The following INTS4 variants were observed in gnomAD, a reference collection of about 807,000 sequenced individuals.
INTS4 encodes integrator complex subunit 4, also known as MSTP093.
In INTS4, 70 loss-of-function variants were observed where a neutral mutation model predicts 119.5. The observed-to-expected ratio is 0.59, with a 90% CI of 0.48 to 0.71. INTS4 has a LOEUF of 0.71. Among genes scored for constraint, INTS4 ranks in the 30% least tolerant of loss-of-function variants. INTS4 has a pLI of 0.00. For synonymous variants in INTS4, 316 were observed against 419.6 expected, an observed-to-expected ratio of 0.75 and a Z score of 3.02; for missense variants, 867 against 1,173.2, an observed-to-expected ratio of 0.74 and a Z score of 3.81.
chr11:77,982,120 C>A (rs1856261246), intron 2 of INTS4, among the ~76,000 whole-genome samples: 1 of 149,878 alleles, frequency 6.7e-6, no homozygotes, highest in South Asian at 2.1e-4. Flanking sequence ...CAGAAAGAAT[C>A]TTTCATTCTA....
chr11:77,897,192 G>T (rs1477298797), intron 18 of INTS4, among the ~76,000 whole-genome samples: 3 of 151,814 alleles, frequency 2.0e-5, no homozygotes, highest in African/African-American at 7.3e-5. Context: ...TGGTGGCAAA[G>T]TTGGAGCTAA....
At chr11:77,937,485 C>T (rs531440893) in intron 10 of INTS4, among the ~76,000 whole-genome samples, 3 of 152,116 alleles carry the variant, frequency 2.0e-5, no homozygotes, top group East Asian at 1.9e-4. Context: ...GGCTCACGCC[C>T]GCAATCTCAA....
chr11:77,942,267 G>C (rs1402460906), intron 8 of INTS4, among the ~76,000 whole-genome samples: 3 of 152,192 alleles, frequency 2.0e-5, no homozygotes, highest in South Asian at 2.1e-4. Flanking sequence ...CATGGGAACG[G>C]AGAGAACAAG....
At chr11:77,880,349 G>C (rs1226139797) in intron 22 of INTS4, among the ~76,000 whole-genome samples, 2 of 152,146 alleles carry the variant, frequency 1.3e-5, no homozygotes, top group African/African-American at 4.8e-5. Flanking sequence ...GAAGGGAAAG[G>C]TTTGCAGTCA....
At chr11:77,942,717 A>G (rs1953958221) in intron 8 of INTS4, among the ~76,000 whole-genome samples, 1 of 152,194 alleles carries the variant, frequency 6.6e-6, no homozygotes, top group African/African-American at 2.4e-5. Flanking sequence ...CAAAAAGACT[A>G]GTTTCAGAGG....
intron 18 of INTS4, among the ~76,000 whole-genome samples, chr11:77,894,566 A>C (rs1441702263): frequency 6.6e-6 from 1 of 152,250 alleles, no homozygotes; most frequent in Non-Finnish European, 1.5e-5. Flanking sequence ...TTAAGCTCAA[A>C]GAATATTAAA....
At chr11:77,883,531 TAAG>T (rs1951873985) in intron 22 of INTS4, among the ~76,000 whole-genome samples, 1 of 152,182 alleles carries the variant, frequency 6.6e-6, no homozygotes, top group South Asian at 2.1e-4. Context: ...GCAGTTAGGA[TAAG>T]AATAATCTCC....
chr11:77,965,081 A>C (rs12577951), intron 4 of INTS4, among the ~76,000 whole-genome samples: 19,980 of 152,088 alleles, frequency 0.13, 1,507 homozygotes, highest in East Asian at 0.25. Context: ...TTGTTTTTTA[A>C]GAGACAACAT....
At chr11:77,882,925 A>G (rs1374406332) in intron 22 of INTS4, among the ~76,000 whole-genome samples, 1 of 152,124 alleles carries the variant, frequency 6.6e-6, no homozygotes, top group Non-Finnish European at 1.5e-5. Flanking sequence ...CAAAAAAATT[A>G]GCCAGGTGTA....
intron 6 of INTS4, 131 bp from the exon 7 acceptor site, chr11:77,958,965 T>C (rs1053873519): frequency 1.1e-5 from 7 of 650,144 alleles, no homozygotes; most frequent in African/African-American, 7.3e-5. Context: ...TTTTAACTTC[T>C]GGAATCTTTG....
At chr11:77,977,090 AAAG>A (rs1216186428) in intron 4 of INTS4, among the ~76,000 whole-genome samples, 7 of 152,154 alleles carry the variant, frequency 4.6e-5, no homozygotes, top group South Asian at 2.1e-4. Context: ...AAAGAAATAA[AAAG>A]AATAAAATAA....
downstream of INTS4, among the ~76,000 whole-genome samples, chr11:77,877,577 G>C (rs1951633611): frequency 6.6e-6 from 1 of 152,180 alleles, no homozygotes; most frequent in Admixed American, 6.5e-5. Context: ...AGGTGGTATA[G>C]CTTAGACCTT....
At chr11:77,994,229 G>C (rs1333401074) in intron 1 of INTS4, among the ~76,000 whole-genome samples, 2 of 151,990 alleles carry the variant, frequency 1.3e-5, no homozygotes, top group African/African-American at 4.8e-5. Flanking sequence ...CTGCTAACTG[G>C]CTGTATCCTC....
intron 6 of INTS4, among the ~76,000 whole-genome samples, chr11:77,959,626 C>T (rs576627238): frequency 1.8e-4 from 28 of 152,142 alleles, no homozygotes; most frequent in Non-Finnish European, 2.8e-4. Context: ...AAAAAGAAGG[C>T]GATGGTCACA....
At chr11:77,935,064 C>CA (rs1469047981) in intron 10 of INTS4, among the ~76,000 whole-genome samples, 3 of 152,256 alleles carry the variant, frequency 2.0e-5, no homozygotes, top group African/African-American at 7.2e-5. Context: ...AGGCTGGAGT[C>CA]AATCATCTCA....
At chr11:77,986,550 C>T (rs1031953681) in intron 2 of INTS4, among the ~76,000 whole-genome samples, 3 of 152,078 alleles carry the variant, frequency 2.0e-5, no homozygotes, top group Non-Finnish European at 2.9e-5. Flanking sequence ...ATGTTTATTG[C>T]GGCACTATTC....
Position 77,899,243 on chromosome 11 carries a change from C to T in INTS4, c.2228+2178G>A, listed in dbSNP as rs190059938. 1.8e-4 allele frequency among the ~76,000 whole-genome samples: 28 copies of T among 151,936 alleles called. No homozygotes were observed. The East Asian group carries it at 5.2e-3, about 28-fold the overall frequency. On this transcript the variant is annotated intron_variant, in intron 18 of 22. Transcript: ENST00000534064. ...CAATGTGGCACCACAGCCCTCTTAA[C>T]CAGTATGTTCTACTGCCTCTCACTT... is the stretch of plus-strand genomic sequence containing the variant.
At chr11:77,881,216 A>ATTCTC (rs1951779573) in intron 22 of INTS4, among the ~76,000 whole-genome samples, 1 of 152,200 alleles carries the variant, frequency 6.6e-6, no homozygotes, top group Non-Finnish European at 1.5e-5. Context: ...TTCTCATCTT[A>ATTCTC]ATGAGACAGG....
At chr11:77,955,495 C>G (rs1309363942) in intron 8 of INTS4, among the ~76,000 whole-genome samples, 1 of 150,302 alleles carries the variant, frequency 6.7e-6, no homozygotes, top group Non-Finnish European at 1.5e-5. Flanking sequence ...ATAATCCCAG[C>G]CTTTTTTTTT....
Sources: gnomAD v4.1 joint callset for allele counts (sites outside exome capture counted in the v4.1 genomes callset) on GRCh38, gnomAD v4.1.1 for gene constraint, MANE v1.5 for transcripts, NCBI Gene and HGNC (gene_info 2026-07-23, HGNC 2026-07-21) for gene names.